ACADM: variants seen among roughly 807,000 people sequenced by gnomAD.
ACADM encodes the protein acyl-CoA dehydrogenase medium chain, also known as medium-chain specific acyl-CoA dehydrogenase, mitochondrial.
A neutral mutation model predicts 58.9 loss-of-function variants in ACADM; 49 were observed. The ratio of observed to expected loss-of-function variants is 0.83; its 90% CI spans 0.66 to 1.06. ACADM has a LOEUF of 1.06. Among genes scored for constraint, ACADM ranks in the 50% least tolerant of loss-of-function variants. The pLI is 0.00. For synonymous variants in ACADM, 160 were observed against 157.7 expected, an observed-to-expected ratio of 1.01 and a Z score of -0.11; for missense variants, 496 against 507.0, an observed-to-expected ratio of 0.98 and a Z score of 0.21.
At chr1:75,758,854 G>A (rs1408555979) in intron 10 of ACADM, among the ~76,000 whole-genome samples, 1 of 152,176 alleles carries the variant, frequency 6.6e-6, no homozygotes, top group Non-Finnish European at 1.5e-5. Context: ...GATATGGGTG[G>A]GGACAAATAA....
At chr1:75,747,051 A>G (rs1319433731) in intron 8 of ACADM, among the ~76,000 whole-genome samples, 1 of 152,250 alleles carries the variant, frequency 6.6e-6, no homozygotes, top group East Asian at 1.9e-4. Flanking sequence ...GTTGTATGTA[A>G]CAAAATATAA....
chr1:75,732,474 A>G, intron 2 of ACADM, 170 bp from the exon 3 acceptor site: 1 of 644,798 alleles, frequency 1.6e-6, no homozygotes, highest in Non-Finnish European at 2.8e-6. Flanking sequence ...ACATAGGTTT[A>G]TTTATATTGT....
At chr1:75,725,600 C>T (rs1214922528) in intron 1 of ACADM, among the ~76,000 whole-genome samples, 1 of 152,122 alleles carries the variant, frequency 6.6e-6, no homozygotes, top group Non-Finnish European at 1.5e-5. Context: ...TAAAAAAAAC[C>T]TGATATAGAA....
At chr1:75,749,289 C>T in intron 8 of ACADM, 130 bp from the exon 9 acceptor site, 1 of 856,372 alleles carries the variant, frequency 1.2e-6, no homozygotes, top group Non-Finnish European at 1.9e-6. Flanking sequence ...CTTTGCAAAA[C>T]AGGCATTGCA....
At chr1:75,740,519 A>G (rs1647510430) in intron 7 of ACADM, among the ~76,000 whole-genome samples, 1 of 152,190 alleles carries the variant, frequency 6.6e-6, no homozygotes, top group African/African-American at 2.4e-5. Context: ...CAGTCTTAAA[A>G]CAGGTTATCT....
intron 10 of ACADM, among the ~76,000 whole-genome samples, chr1:75,758,592 A>G (rs916566987): frequency 6.6e-6 from 1 of 151,738 alleles, no homozygotes; most frequent in Non-Finnish European, 1.5e-5. Context: ...AAACACACCA[A>G]TCAGCACTCT....
chr1:75,754,680 A>G (rs1648397649), intron 10 of ACADM, among the ~76,000 whole-genome samples: 1 of 152,228 alleles, frequency 6.6e-6, no homozygotes, highest in Non-Finnish European at 1.5e-5. Context: ...ACTCCAGTCT[A>G]CAGGTCCCAG....
At chr1:75,743,967 A>C in intron 7 of ACADM, 1 of 1,553,094 alleles carries the variant, frequency 6.4e-7, no homozygotes, top group South Asian at 1.1e-5. Context: ...GTTTCTTCAA[A>C]AAAGCCTCTT....
intron 7 of ACADM, chr1:75,743,984 G>A (rs1442550417): frequency 4.7e-5 from 74 of 1,564,050 alleles, no homozygotes; most frequent in Middle Eastern, 1.8e-4. Context: ...TCTTTGTGCC[G>A]AGCCCTCATC....
chr1:75,749,374 C>T (rs111703511), intron 8 of ACADM, 45 bp from the exon 9 acceptor site: 1 of 1,605,440 alleles, frequency 6.2e-7, no homozygotes, highest in South Asian at 1.1e-5. Context: ...AAAATTGATG[C>T]TGGCTCAAAA....
chr1:75,736,500 A>G (rs1036928251), intron 6 of ACADM, among the ~76,000 whole-genome samples: 9 of 152,204 alleles, frequency 5.9e-5, no homozygotes, highest in Admixed American at 2.0e-4. Context: ...ACTATTGTCT[A>G]TAAGAACTGT....
chr1:75,762,497 C>A (rs1418215884), intron 11 of ACADM, among the ~76,000 whole-genome samples, 195 bp from the exon 12 acceptor site: 2 of 152,000 alleles, frequency 1.3e-5, no homozygotes, highest in Non-Finnish European at 2.9e-5. Flanking sequence ...AATAACTTAA[C>A]CAATCTTTAG....
intron 7 of ACADM, among the ~76,000 whole-genome samples, chr1:75,742,740 G>A (rs890011463): frequency 1.3e-5 from 2 of 152,124 alleles, no homozygotes; most frequent in African/African-American, 2.4e-5. Flanking sequence ...GAGAGCGTGA[G>A]GGCAGACCTG....
chr1:75,739,244 G>A (rs1421200214), intron 6 of ACADM, among the ~76,000 whole-genome samples: 1 of 152,070 alleles, frequency 6.6e-6, no homozygotes. Context: ...CAAGCCCCTT[G>A]TCTGACTTTC....
chr1:75,735,722 G>A (rs544338420), intron 6 of ACADM, among the ~76,000 whole-genome samples: 2 of 151,692 alleles, frequency 1.3e-5, no homozygotes, highest in East Asian at 1.9e-4. Flanking sequence ...ATGTGGTGGC[G>A]CTTGCCAGCT....
At chr1:75,727,345 TAAAG>T (rs1454107318) in intron 1 of ACADM, among the ~76,000 whole-genome samples, 2 of 152,308 alleles carry the variant, frequency 1.3e-5, no homozygotes, top group Middle Eastern at 3.4e-3. Context: ...AGAATTTAAA[TAAAG>T]AAACTTTAGT....
intron 2 of ACADM, among the ~76,000 whole-genome samples, chr1:75,729,248 C>T (rs1193334098): frequency 7.2e-6 from 1 of 139,644 alleles, no homozygotes; most frequent in Non-Finnish European, 1.5e-5. Context: ...TTTTTTCTTA[C>T]CAGAATTTAA....
In ACADM at chr1:75,724,744, G is replaced by A. The variant is rs1570842922; in HGVS notation, c.-44G>A. 1.9e-6 allele frequency: 3 copies of A among 1,541,946 alleles called. No individual in the cohort carries two copies. Among genetic ancestry groups the A allele is most frequent in the East Asian group, 2.6e-5 (1 of 38,468 alleles). On this transcript the variant is annotated 5_prime_UTR_variant, in exon 1 of 12. It adds an upstream start codon to the 5' untranslated region. Transcript: ENST00000370841. ...CGCGTTCGGGGAGTATGTCAAGGCC[G>A]TGACCCGTGTATTATTGTCCGAGTG... is the stretch of plus-strand genomic sequence containing the variant.
chr1:75,749,709 T>C lies in ACADM; in HGVS notation c.849+150T>C, dbSNP rs1557457882. 3 of 730,476 alleles carry C rather than the reference T, an allele frequency of 4.1e-6. No homozygotes were observed. The African/African-American group carries it at 6.5e-5, about 16-fold the overall frequency. The allele number at this position is 730,476 out of a possible 1,614,324, so 45.2% of individuals were successfully genotyped here. A position where few individuals can be genotyped will look rare whatever the true frequency, so the allele number is the denominator to read the frequency against. On this transcript the variant is annotated intron_variant, in intron 9 of 11. Coordinates refer to ENST00000370841, the MANE Select transcript of ACADM (RefSeq NM_000016.6). ...TATAGGAAAAATACTGTTACTTTTC[T>C]TTCTTTTTTTTTTTTTTTTTTTGAG...
Sources: gnomAD v4.1 joint callset for allele counts (sites outside exome capture counted in the v4.1 genomes callset) on GRCh38, gnomAD v4.1.1 for gene constraint, MANE v1.5 for transcripts, NCBI Gene and HGNC (gene_info 2026-07-23, HGNC 2026-07-21) for gene names.